The following NRXN3 variants were observed in gnomAD, a reference collection of about 807,000 sequenced individuals.
NRXN3 encodes neurexin III.
In NRXN3, 32 loss-of-function variants were observed where a neutral mutation model predicts 137.6. The ratio of observed to expected loss-of-function variants is 0.23; its 90% CI spans 0.18 to 0.31. The LOEUF is 0.31. Among genes scored for constraint, NRXN3 ranks in the 10% least tolerant of loss-of-function variants. The probability of loss-of-function intolerance (pLI) is 1.00; values close to 1 mark genes in which losing one functional copy is unlikely to be tolerated. For synonymous variants in NRXN3, 798 were observed against 784.5 expected, an observed-to-expected ratio of 1.02 and a Z score of -0.29; for missense variants, 1,574 against 2,062.5, an observed-to-expected ratio of 0.76 and a Z score of 4.59.
At chr14:78,907,239 CAT>C (rs936630526) in intron 10 of NRXN3, among the ~76,000 whole-genome samples, 2 of 151,898 alleles carry the variant, frequency 1.3e-5, no homozygotes, top group African/African-American at 2.4e-5. Flanking sequence ...TTCTTCTTAA[CAT>C]GTGTGGTGCT....
intron 15 of NRXN3, among the ~76,000 whole-genome samples, chr14:79,131,051 T>G (rs1006551451): frequency 3.9e-5 from 6 of 152,370 alleles, no homozygotes; most frequent in Admixed American, 6.5e-5. Context: ...AAAACTTCTC[T>G]GTAATGGTTA....
chr14:78,308,084 C>T (rs2077553889), intron 4 of NRXN3, among the ~76,000 whole-genome samples: 1 of 140,550 alleles, frequency 7.1e-6, no homozygotes, highest in Admixed American at 6.9e-5. Flanking sequence ...TGCTTAATAA[C>T]ATTTTCTTGT....
At chr14:79,560,155 C>G (rs2097477035) in intron 16 of NRXN3, among the ~76,000 whole-genome samples, 1 of 151,972 alleles carries the variant, frequency 6.6e-6, no homozygotes, top group African/African-American at 2.4e-5. Flanking sequence ...ACACTTTTTT[C>G]TATAAAATTA....
chr14:78,267,057 G>T (rs754400517), intron 2 of NRXN3, among the ~76,000 whole-genome samples: 2 of 152,152 alleles, frequency 1.3e-5, no homozygotes, highest in Non-Finnish European at 1.5e-5. Context: ...CAACCATAAA[G>T]TTCTTTCTAT....
chr14:78,313,923 A>G (rs1351675961), intron 4 of NRXN3, among the ~76,000 whole-genome samples: 1 of 152,178 alleles, frequency 6.6e-6, no homozygotes, highest in African/African-American at 2.4e-5. Flanking sequence ...CTCGACAGTA[A>G]CAATAAAGTG....
At chr14:79,331,688 A>ATTCCC (rs2091700056) in intron 15 of NRXN3, among the ~76,000 whole-genome samples, 1 of 152,118 alleles carries the variant, frequency 6.6e-6, no homozygotes, top group Non-Finnish European at 1.5e-5. Context: ...TTCCCATGTA[A>ATTCCC]GTGTATTTTG....
intron 3 of NRXN3, among the ~76,000 whole-genome samples, chr14:78,285,382 T>C (rs1399276801): frequency 6.6e-6 from 1 of 152,202 alleles, no homozygotes; most frequent in Non-Finnish European, 1.5e-5. Flanking sequence ...ATATTAAGTA[T>C]TACATGCCTC....
At chr14:78,733,611 C>T (rs1445706196) in intron 8 of NRXN3, among the ~76,000 whole-genome samples, 1 of 152,000 alleles carries the variant, frequency 6.6e-6, no homozygotes, top group South Asian at 2.1e-4. Context: ...AGAAAATATT[C>T]CTGGCCAGAA....
At chr14:79,200,524 G>A (rs2065825796) in intron 15 of NRXN3, among the ~76,000 whole-genome samples, 1 of 152,128 alleles carries the variant, frequency 6.6e-6, no homozygotes, top group Admixed American at 6.6e-5. Context: ...GGAAGGAAAT[G>A]GGGATCATTG....
At chr14:79,077,991 T>C (rs2046268878) in intron 15 of NRXN3, among the ~76,000 whole-genome samples, 1 of 152,202 alleles carries the variant, frequency 6.6e-6, no homozygotes, top group Non-Finnish European at 1.5e-5. Context: ...GAAATGTATG[T>C]AGCCTTATGT....
chr14:79,362,026 T>C (rs981891196), intron 15 of NRXN3, among the ~76,000 whole-genome samples: 1 of 147,912 alleles, frequency 6.8e-6, no homozygotes. Flanking sequence ...TTATTATTAT[T>C]ATTATTATTT....
intron 15 of NRXN3, among the ~76,000 whole-genome samples, chr14:79,147,715 G>A (rs528341181): frequency 1.3e-5 from 2 of 152,236 alleles, no homozygotes; most frequent in African/African-American, 2.4e-5. Context: ...CAGGAGGCAG[G>A]CAACAGTGGG....
intron 15 of NRXN3, among the ~76,000 whole-genome samples, chr14:79,084,870 T>G (rs2047795338): frequency 6.6e-6 from 1 of 152,126 alleles, no homozygotes; most frequent in Non-Finnish European, 1.5e-5. Flanking sequence ...GCATGGATAG[T>G]GGTAAATGGG....
rs954068579 is a variant in NRXN3, at chr14:79,865,769, G to A, written c.*3805G>A. 3 of 152,054 alleles carry A rather than the reference G, an allele frequency of 2.0e-5. No individual in the cohort carries two copies. The highest frequency in any genetic ancestry group is 7.2e-5 in the African/African-American group (3 of 41,386). The allele number at this position is 152,054 out of a possible 1,614,324, so 9.4% of individuals were successfully genotyped here. Reference sequence around the variant, plus strand: ...GCCTCCTGAGTAGCTGCGACTACAGGCATGGGCCACCACACCCAGCTCATT... The same window carrying A: ...GCCTCCTGAGTAGCTGCGACTACAGACATGGGCCACCACACCCAGCTCATT... On this transcript the variant is annotated 3_prime_UTR_variant, in exon 21 of 21. Transcript: ENST00000335750.
chr14:78,821,693 A>C (rs1332209820), intron 10 of NRXN3, among the ~76,000 whole-genome samples: 1 of 151,926 alleles, frequency 6.6e-6, no homozygotes, highest in African/African-American at 2.4e-5. Context: ...AGGAAGATGG[A>C]TAAAAAAAAA....
At chr14:78,202,821 T>C (rs550943815) in intron 1 of NRXN3, among the ~76,000 whole-genome samples, 14 of 152,302 alleles carry the variant, frequency 9.2e-5, no homozygotes, top group African/African-American at 3.1e-4. Context: ...AGGTTTGTGA[T>C]GTATATTATT....
chr14:79,436,076 C>T (rs1308888864), intron 15 of NRXN3, among the ~76,000 whole-genome samples: 1 of 152,118 alleles, frequency 6.6e-6, no homozygotes, highest in Non-Finnish European at 1.5e-5. Context: ...TCTAATATAA[C>T]CTATGACATT....
chr14:78,958,549 G>A lies in NRXN3; in HGVS notation c.2395+1188G>A, dbSNP rs550205957. 3.8e-3 allele frequency among the ~76,000 whole-genome samples: 579 copies of A among 152,072 alleles called. 1 individual carries two copies. The highest frequency in any genetic ancestry group is 0.013 in the African/African-American group (544 of 41,500). ...TTTTTGTATTTTTAGTAGAGATGGC[G>A]TTTCACCGTGTTAGCCAGGATGGTC... On this transcript the variant is annotated intron_variant, in intron 11 of 20. Coordinates refer to ENST00000335750, the MANE Select transcript of NRXN3 (RefSeq NM_001330195.2).
At chr14:79,129,496 G>C (rs1414572505) in intron 15 of NRXN3, among the ~76,000 whole-genome samples, 6 of 147,210 alleles carry the variant, frequency 4.1e-5, no homozygotes, top group African/African-American at 1.5e-4. Context: ...TTTTGAGTGA[G>C]ATTCTTAATC....
Sources: gnomAD v4.1 joint callset for allele counts (sites outside exome capture counted in the v4.1 genomes callset) on GRCh38, gnomAD v4.1.1 for gene constraint, MANE v1.5 for transcripts, NCBI Gene and HGNC (gene_info 2026-07-23, HGNC 2026-07-21) for gene names.